VIT: variants seen among roughly 807,000 people sequenced by gnomAD.
VIT encodes vitrin.
In VIT, 99 loss-of-function variants were observed where a neutral mutation model predicts 78.0. That is an observed-to-expected ratio of 1.27 (90% CI 1.08 to 1.50). The LOEUF is 1.50. Ranked by LOEUF, VIT falls within the 40% of genes most tolerant of loss-of-function variation. The pLI is 0.00. For missense variants in VIT, 1,126 were observed against 875.3 expected, an observed-to-expected ratio of 1.29 and a Z score of -3.61; for synonymous variants, 374 against 334.3, an observed-to-expected ratio of 1.12 and a Z score of -1.29.
Position 36,808,617 on chromosome 2 carries a change from G to C in VIT, c.1535G>C (p.Gly512Ala). 1.2e-6 allele frequency: 2 copies of C among 1,614,228 alleles called. No individual in the cohort carries two copies. The highest frequency in any genetic ancestry group is 1.7e-5 in the Admixed American group (1 of 60,030). ...ACCTGCTTGAACTCGGCTGACATTG[G>C]CTTCGTCATCGACGGCTCCAGCAGT... ...SKTCLNSADI[G>A]FVIDGSSSVG... Residue 512 changes from glycine to alanine, a missense_variant, in exon 15 of 16, where the codon GGC becomes GCC. By Grantham distance (60) the Gly-to-Ala change is moderately conservative. Transcript: ENST00000379242.
At position 36,742,916 on chromosome 2, in the gene VIT, T is replaced by C. The variant is rs1325827439; in HGVS notation, c.119-184T>C. 2.0e-5 allele frequency among the ~76,000 whole-genome samples: 3 copies of C among 152,216 alleles called. No individual in the cohort carries two copies. In the East Asian group the frequency reaches 5.8e-4, roughly 29 times the overall value. ...GCAGGTTAAAGGCAATGAATGGTCA[T>C]TGTGGTTCTTTTGGTCTGGGAAATG... On this transcript the variant is annotated intron_variant, in intron 3 of 15. Transcript: ENST00000379242.
intron 3 of VIT, among the ~76,000 whole-genome samples, chr2:36,731,568 C>A (rs776065180): frequency 1.3e-5 from 2 of 152,102 alleles, no homozygotes; most frequent in African/African-American, 2.4e-5. Flanking sequence ...CCACCGCAAC[C>A]GGCCATGTCT....
In VIT at chr2:36,767,172, C is replaced by T. The variant is rs760554441; in HGVS notation, c.566C>T (p.Ala189Val). ...AQPVTLMQLL[A>V]VTVAVATPTT... The stretch of plus-strand genomic sequence containing the variant: ...CCGGTCACTCTGATGCAGCTTCTGG[C>T]TGTCACTGTAGCTGTGGCCACCCCC... Residue 189 changes from alanine (A) to valine (V), a missense_variant, in exon 7 of 16, where the codon GCT (alanine) becomes GTT (valine). By Grantham distance (64) the Ala-to-Val change is moderately conservative. Coordinates refer to ENST00000379242, the MANE Select transcript of VIT (RefSeq NM_053276.4). 3.7e-6 allele frequency: 6 copies of T among 1,611,976 alleles called. No individual in the cohort carries two copies. In the East Asian group the frequency reaches 1.3e-4, roughly 36 times the overall value.
intron 4 of VIT, among the ~76,000 whole-genome samples, chr2:36,750,137 C>T (rs1668367874): frequency 6.6e-6 from 1 of 152,254 alleles, no homozygotes; most frequent in Non-Finnish European, 1.5e-5. Flanking sequence ...GAATAAAAAT[C>T]ACTGAATGCT....
At chr2:36,709,218 G>C (rs532300746) in intron 1 of VIT, among the ~76,000 whole-genome samples, 4 of 152,302 alleles carry the variant, frequency 2.6e-5, no homozygotes, top group African/African-American at 9.6e-5. Flanking sequence ...GATGGAGTAA[G>C]TGCACGTACT....
intron 1 of VIT, among the ~76,000 whole-genome samples, chr2:36,701,423 A>G (rs1378295104): frequency 6.6e-6 from 1 of 152,184 alleles, no homozygotes; most frequent in Admixed American, 6.5e-5. Flanking sequence ...TTATGACTCA[A>G]ACTACTTCAG....
chr2:36,764,622 G>A (rs753101219), intron 6 of VIT, among the ~76,000 whole-genome samples: 23 of 152,142 alleles, frequency 1.5e-4, no homozygotes, highest in Non-Finnish European at 2.8e-4. Context: ...TTGAAAGATC[G>A]GTTTCCTACC....
At chr2:36,759,917 G>C (rs1669002337) in intron 6 of VIT, among the ~76,000 whole-genome samples, 1 of 152,072 alleles carries the variant, frequency 6.6e-6, no homozygotes, top group Admixed American at 6.5e-5. Flanking sequence ...GGAAAATGAA[G>C]CACAGAGAAG....
At chr2:36,751,440 A>C (rs1417163208) in intron 4 of VIT, among the ~76,000 whole-genome samples, 2 of 152,200 alleles carry the variant, frequency 1.3e-5, no homozygotes, top group African/African-American at 2.4e-5. Context: ...TTGAGGATTA[A>C]AACTCATGCC....
At chr2:36,722,924 T>G (rs1280724781) in intron 2 of VIT, among the ~76,000 whole-genome samples, 12 of 151,632 alleles carry the variant, frequency 7.9e-5, no homozygotes, top group Admixed American at 7.9e-4. Context: ...AAAATAATTG[T>G]TTTTTGTAAT....
In VIT at chr2:36,787,019, C is replaced by T. The variant is rs77034453; in HGVS notation, c.911-110C>T. 454 of 1,400,408 alleles carry T rather than the reference C, an allele frequency of 3.2e-4. 9 individuals carry two copies. The East Asian group carries it at 7.3e-3, about 22-fold the overall frequency. The allele number at this position is 1,400,408 out of a possible 1,614,324, so 86.7% of individuals were successfully genotyped here. A position where few individuals can be genotyped will look rare whatever the true frequency, so the allele number is the denominator to read the frequency against. On this transcript the variant is annotated intron_variant, in intron 11 of 15. Coordinates refer to ENST00000379242, the MANE Select transcript of VIT (RefSeq NM_053276.4). ...CCTGCATCTTCCTACCTCTTTTTCC[C>T]TTTCTTTTCATTTCTCAGGGGGCTC... is the stretch of plus-strand genomic sequence containing the variant.
intron 15 of VIT, among the ~76,000 whole-genome samples, chr2:36,812,351 T>C (rs1667234686): frequency 6.6e-6 from 1 of 152,152 alleles, no homozygotes; most frequent in African/African-American, 2.4e-5. Flanking sequence ...ACATCCAGGC[T>C]CTGCCCTCTG....
chr2:36,803,954 A>G (rs1666520340), intron 13 of VIT, among the ~76,000 whole-genome samples: 1 of 152,178 alleles, frequency 6.6e-6, no homozygotes, highest in African/African-American at 2.4e-5. Flanking sequence ...TGCCTACTCT[A>G]TACAGCCATG....
intron 1 of VIT, among the ~76,000 whole-genome samples, 174 bp from the exon 2 acceptor site, chr2:36,716,179 C>T (rs1490897267): frequency 6.6e-6 from 1 of 152,118 alleles, no homozygotes; most frequent in Non-Finnish European, 1.5e-5. Context: ...TCTCTGGGTA[C>T]CAGCAAGGCC....
intron 12 of VIT, among the ~76,000 whole-genome samples, chr2:36,788,943 G>A (rs933697301): frequency 1.3e-5 from 2 of 152,110 alleles, no homozygotes; most frequent in Admixed American, 6.6e-5. Context: ...GAATAAAGAC[G>A]CCTTCCCCCA....
Position 36,793,605 on chromosome 2 carries a change from GGTCCATCTCATTGACTAA to G in VIT, c.1058+6336_1058+6353del, listed in dbSNP as rs1166366645. On this transcript the variant is annotated intron_variant, in intron 12 of 15. Coordinates refer to ENST00000379242, the MANE Select transcript of VIT (RefSeq NM_053276.4). ...AACATCCTCCTGATCTTACAGGCAT[GGTCCATCTCATTGACTAA>G]GTCCATAAAGCATCACATATTAGCT... 2.6e-5 allele frequency among the ~76,000 whole-genome samples: 4 copies of G among 152,322 alleles called. No homozygotes were observed. The South Asian group carries it at 8.3e-4, about 32-fold the overall frequency.
chr2:36,738,086 A>G (rs184652652), intron 3 of VIT, among the ~76,000 whole-genome samples: 1 of 152,348 alleles, frequency 6.6e-6, no homozygotes, highest in East Asian at 1.9e-4. Context: ...GCACAGATGC[A>G]TGCATGTATT....
At chr2:36,697,517 TAA>T (rs916591696) in intron 1 of VIT, among the ~76,000 whole-genome samples, 1 of 152,252 alleles carries the variant, frequency 6.6e-6, no homozygotes, top group African/African-American at 2.4e-5. Flanking sequence ...TGTTTACACT[TAA>T]AGTGTTTTCT....
chr2:36,739,468 G>T (rs1416378915), intron 3 of VIT, among the ~76,000 whole-genome samples: 1 of 152,130 alleles, frequency 6.6e-6, no homozygotes, highest in East Asian at 1.9e-4. Context: ...ACTAAAAATT[G>T]ACTCAAATAG....
Sources: allele counts gnomAD v4.1 joint callset (sites outside exome capture counted in the v4.1 genomes callset), GRCh38; gene constraint gnomAD v4.1.1; transcripts MANE v1.5; gene names NCBI Gene and HGNC (gene_info 2026-07-23, HGNC 2026-07-21).